TMEM181: variants seen among roughly 807,000 people sequenced by gnomAD.
TMEM181 encodes transmembrane protein 181.
A neutral mutation model predicts 71.9 loss-of-function variants in TMEM181; 39 were observed. The observed-to-expected ratio is 0.54, with a 90% CI of 0.42 to 0.71. The LOEUF is 0.71. Among genes scored for constraint, TMEM181 ranks in the 30% least tolerant of loss-of-function variants. The pLI is 0.00. For missense variants in TMEM181, 595 were observed against 583.0 expected (o/e 1.02, Z -0.21); for synonymous variants, 245 against 228.8 (o/e 1.07, Z -0.64).
At chr6:158,546,810 A>G (rs1019460372) in intron 1 of TMEM181, among the ~76,000 whole-genome samples, 4 of 151,440 alleles carry the variant, frequency 2.6e-5, no homozygotes, top group African/African-American at 9.7e-5. Context: ...AAATACAAAA[A>G]TTAGCAGGGC....
intron 10 of TMEM181, among the ~76,000 whole-genome samples, chr6:158,609,206 C>T (rs909768893): frequency 3.3e-5 from 5 of 152,116 alleles, no homozygotes; most frequent in Non-Finnish European, 5.9e-5. Flanking sequence ...AGTAGACACC[C>T]CTTATTTTTG....
intron 1 of TMEM181, among the ~76,000 whole-genome samples, chr6:158,550,811 C>G (rs557253525): frequency 4.8e-5 from 7 of 146,134 alleles, no homozygotes; most frequent in Admixed American, 2.8e-4. Context: ...GAACTTGAAG[C>G]TAATGCACAG....
At chr6:158,562,807 TG>T (rs1782262966) in intron 1 of TMEM181, among the ~76,000 whole-genome samples, 1 of 152,222 alleles carries the variant, frequency 6.6e-6, no homozygotes, top group Admixed American at 6.5e-5. Context: ...GTGTTCACCA[TG>T]TAGCAAGTGC....
upstream of TMEM181, among the ~76,000 whole-genome samples, chr6:158,555,263 G>C (rs1658022991): frequency 1.3e-5 from 2 of 152,184 alleles, no homozygotes; most frequent in African/African-American, 4.8e-5. Context: ...ATTGCTCTGA[G>C]CTCAAGATTT....
chr6:158,564,703 C>G (rs1032661081), intron 1 of TMEM181, among the ~76,000 whole-genome samples: 2 of 152,160 alleles, frequency 1.3e-5, no homozygotes, highest in African/African-American at 4.8e-5. Context: ...CTCCATTTTG[C>G]AGATGAGGAA....
upstream of TMEM181, among the ~76,000 whole-genome samples, chr6:158,555,206 G>C (rs1298846714): frequency 6.6e-6 from 1 of 152,190 alleles, no homozygotes; most frequent in Non-Finnish European, 1.5e-5. Flanking sequence ...TTTGGCCCCT[G>C]TGTGGCAGAA....
intron 5 of TMEM181, among the ~76,000 whole-genome samples, chr6:158,587,036 T>G (rs968027029): frequency 1.3e-5 from 2 of 152,210 alleles, no homozygotes; most frequent in African/African-American, 4.8e-5. Context: ...CACTCCCACC[T>G]GGACAGCTTG....
At position 158,632,200 on chromosome 6, in the gene TMEM181, ACTT is replaced by A. The variant is rs767435661; in HGVS notation, c.*313_*315del. ...ACGTTTTTAGTACAGTGAATTATGTACTTTTTTTTCCTGTAATCATTCACTGAT... is the reference window on the plus strand; with the variant it reads ...ACGTTTTTAGTACAGTGAATTATGTATTTTTTCCTGTAATCATTCACTGAT... On this transcript the variant is annotated 3_prime_UTR_variant, in exon 17 of 17. Transcript: ENST00000684151. 2.6e-4 allele frequency: 83 copies of A among 322,336 alleles called. 1 individual carries two copies. In the South Asian group the frequency reaches 2.6e-3, roughly 10 times the overall value. The allele number at this position is 322,336 out of a possible 1,614,324, so 20.0% of individuals were successfully genotyped here.
intron 11 of TMEM181, among the ~76,000 whole-genome samples, chr6:158,624,790 C>A (rs1479317919): frequency 6.6e-6 from 1 of 152,184 alleles, no homozygotes; most frequent in Admixed American, 6.5e-5. Flanking sequence ...CCCCCAGGGG[C>A]GAGAGAGACA....
Position 158,620,853 on chromosome 6 carries a change from A to C in TMEM181, c.897-2697A>C, listed in dbSNP as rs187963810. On this transcript the variant is annotated intron_variant, in intron 10 of 16. Transcript: ENST00000684151. This position sits in a 1 kb window ranked among gnomAD's most constrained non-coding sequence, Gnocchi z 4.5. Reference sequence around the variant, plus strand: ...AATGTAAGTGTTAAAGAGGAAAGAAACACGAAAAGCAGCTCAACAGTGAAA... The same window carrying C: ...AATGTAAGTGTTAAAGAGGAAAGAACCACGAAAAGCAGCTCAACAGTGAAA... Among the ~76,000 whole-genome samples the C allele has an allele frequency of 6.6e-6, 1 of 152,258 alleles. No individual in the cohort carries two copies. Among genetic ancestry groups the C allele is most frequent in the Non-Finnish European group, 1.5e-5 (1 of 68,006 alleles).
At position 158,593,007 on chromosome 6, in the gene TMEM181, T is replaced by TG. The variant is rs373058959; in HGVS notation, c.492+3232dup. Among the ~76,000 whole-genome samples the TG allele has an allele frequency of 1.1e-3, 172 of 152,070 alleles. 1 individual carries two copies. The East Asian group carries it at 0.02, about 18-fold the overall frequency. ...ACACAAGTTTTCTCATACACATGAG[T>TG]GGGGGGGTGTGAACTGATTTAACTT... On this transcript the variant is annotated intron_variant, in intron 6 of 16. Transcript: ENST00000684151.
chr6:158,602,773 G>T (rs1235318646), intron 6 of TMEM181, among the ~76,000 whole-genome samples: 2 of 151,958 alleles, frequency 1.3e-5, no homozygotes. Context: ...GTAGAGACAG[G>T]ATCTTGCTCT....
intron 1 of TMEM181, among the ~76,000 whole-genome samples, chr6:158,562,549 A>G (rs1364519728): frequency 6.6e-6 from 1 of 151,868 alleles, no homozygotes; most frequent in Non-Finnish European, 1.5e-5. Context: ...ATTTCAATGT[A>G]GAAGTGTATT....
Position 158,619,867 on chromosome 6 carries a change from CAA to C in TMEM181, c.897-3662_897-3661del, listed in dbSNP as rs61626531. Reference sequence around the variant, plus strand: ...CTGGCGACACAGCGAGACTCCGTCTCAAAAAAAAAAAAAAAAAAAAAAGGAGG... The same window carrying C: ...CTGGCGACACAGCGAGACTCCGTCTCAAAAAAAAAAAAAAAAAAAAGGAGG... On this transcript the variant is annotated intron_variant, in intron 10 of 16. Coordinates refer to ENST00000684151, the MANE Select transcript of TMEM181 (RefSeq NM_001376852.1). 9.3e-3 allele frequency among the ~76,000 whole-genome samples: 626 copies of C among 67,668 alleles called. 1 individual carries two copies. The highest frequency in any genetic ancestry group is 0.02 in the East Asian group (52 of 2,666). 44.4% of individuals were successfully genotyped at this position (67,668 alleles called of 152,430 possible).
chr6:158,590,797 C>T (rs1481950817), intron 6 of TMEM181, among the ~76,000 whole-genome samples: 1 of 152,222 alleles, frequency 6.6e-6, no homozygotes, highest in Non-Finnish European at 1.5e-5. Flanking sequence ...TGGAGCTGTC[C>T]AGTCATTCTG....
chr6:158,563,726 A>G (rs1782320475), intron 1 of TMEM181, among the ~76,000 whole-genome samples: 1 of 152,204 alleles, frequency 6.6e-6, no homozygotes, highest in African/African-American at 2.4e-5. Flanking sequence ...ACATGAACTC[A>G]CCAGTCCTTG....
chr6:158,575,330 T>A (rs1783096261), intron 2 of TMEM181, among the ~76,000 whole-genome samples: 1 of 151,706 alleles, frequency 6.6e-6, no homozygotes, highest in Non-Finnish European at 1.5e-5. Flanking sequence ...GAAAGCCTTG[T>A]TAGTGAAGAC....
intron 13 of TMEM181, 51 bp downstream of exon 13, chr6:158,625,805 T>TGTCA (rs752866166): frequency 6.6e-7 from 1 of 1,509,968 alleles, no homozygotes; most frequent in Non-Finnish European, 9.1e-7. Flanking sequence ...TTTCTTTTAC[T>TGTCA]GTCAGGAATA....
upstream of TMEM181, among the ~76,000 whole-genome samples, chr6:158,556,902 A>G (rs1330097970): frequency 6.6e-6 from 1 of 152,064 alleles, no homozygotes; most frequent in South Asian, 2.1e-4. Flanking sequence ...AGCTGGGATT[A>G]CAGGCACCTG....
Sources: allele counts gnomAD v4.1 joint callset (sites outside exome capture counted in the v4.1 genomes callset), GRCh38; gene constraint gnomAD v4.1.1; non-coding constraint Gnocchi (gnomAD v3.1); transcripts MANE v1.5; gene names NCBI Gene and HGNC (gene_info 2026-07-23, HGNC 2026-07-21).